The following AGMO variants were observed in gnomAD, a reference collection of about 807,000 sequenced individuals.
AGMO encodes the protein alkylglycerol monooxygenase, also known as glyceryl-ether monooxygenase.
Under a neutral mutation model 60.2 loss-of-function variants are expected in AGMO, and 75 were observed. The ratio of observed to expected loss-of-function variants is 1.25; its 90% CI spans 1.03 to 1.51. The LOEUF (loss-of-function observed/expected upper bound fraction) is 1.51. Ranked by LOEUF, AGMO falls within the 40% of genes most tolerant of loss-of-function variation. AGMO has a pLI of 0.00. For synonymous variants in AGMO, 261 were observed against 177.1 expected (o/e 1.47, Z -3.76); for missense variants, 763 against 525.5 (o/e 1.45, Z -4.42).
chr7:15,198,256 ACAGAGACAGAGAGAGAGT>A (rs377150420), downstream of AGMO, among the ~76,000 whole-genome samples: 20 of 53,664 alleles, frequency 3.7e-4, 1 homozygote, highest in African/African-American at 2.4e-3. Context: ...AGAGAGAGAG[ACAGAGACAGAGAGAGAGT>A]GTGTTAAAGT....
chr7:15,354,399 T>C (rs1306322522), intron 12 of AGMO, among the ~76,000 whole-genome samples: 4,662 of 33,144 alleles, frequency 0.14, 701 homozygotes, highest in African/African-American at 0.17. Flanking sequence ...TGTATACACG[T>C]GTGTGTACAC....
rs1449439760 is a variant in AGMO at position 15,385,460 on chromosome 7, A to C, written c.1060T>G (p.Phe354Val). The C allele has an allele frequency of 6.3e-7, 1 of 1,585,742 alleles. No individual in the cohort carries two copies. Residue 354 changes from phenylalanine (F) to valine (V), a missense_variant, in exon 10 of 13, where the codon TTT becomes GTT. Coordinates refer to ENST00000342526, the MANE Select transcript of AGMO (RefSeq NM_001004320.2). ...ATATTACTTACAGCTGTATCTGCAA[A>C]GGTCTCTTCATAAAATGCCAACATC... ...ALMLAFYEET[F>V]ADTAALSQVT...
the AGMO span, among the ~76,000 whole-genome samples, chr7:15,142,746 T>TGA: frequency 6.6e-6 from 1 of 152,054 alleles, no homozygotes. Context: ...GCTACCTTAG[T>TGA]GAAGTAAGGG....
At chr7:15,384,240 A>T (rs931311518) in intron 10 of AGMO, among the ~76,000 whole-genome samples, 1 of 152,132 alleles carries the variant, frequency 6.6e-6, no homozygotes, top group Non-Finnish European at 1.5e-5. Context: ...CCCAGCCTCA[A>T]TTTAGTCCAT....
chr7:15,140,275 A>C, the AGMO span, among the ~76,000 whole-genome samples: 1 of 152,104 alleles, frequency 6.6e-6, no homozygotes, highest in African/African-American at 2.4e-5. Flanking sequence ...TAACACCTTC[A>C]TCCATTACTG....
intron 12 of AGMO, among the ~76,000 whole-genome samples, chr7:15,331,774 A>T (rs1441079567): frequency 6.6e-6 from 1 of 152,108 alleles, no homozygotes; most frequent in Admixed American, 6.6e-5. Context: ...TAAAAATATA[A>T]AATTAGCCAG....
intron 3 of AGMO, among the ~76,000 whole-genome samples, chr7:15,531,086 A>G (rs1349600628): frequency 0.25 from 3,853 of 15,212 alleles, 1,007 homozygotes; most frequent in East Asian, 0.38. Flanking sequence ...TATATTCTAT[A>G]TATATATTCT....
At chr7:15,431,582 G>C (rs1212496195) in intron 3 of AGMO, among the ~76,000 whole-genome samples, 1 of 151,734 alleles carries the variant, frequency 6.6e-6, no homozygotes. Context: ...TTTCCTCATG[G>C]CTTTCTGAGA....
chr7:15,529,754 ATATATATATTTCTCTATATATATTTCTC>A (rs909715835), intron 3 of AGMO, among the ~76,000 whole-genome samples: 1 of 107,820 alleles, frequency 9.3e-6, no homozygotes, highest in Non-Finnish European at 1.7e-5. Flanking sequence ...ATATATTTCT[ATATATATATTTCTCTATATATATTTCTC>A]TATATATATT....
At chr7:15,307,036 T>C (rs1257817094) in intron 12 of AGMO, among the ~76,000 whole-genome samples, 3 of 152,040 alleles carry the variant, frequency 2.0e-5, no homozygotes, top group Non-Finnish European at 4.4e-5. Context: ...ACGAAATAAT[T>C]ATAAAGTGAT....
intron 12 of AGMO, among the ~76,000 whole-genome samples, chr7:15,302,467 T>G (rs1563076630): frequency 1.3e-5 from 2 of 152,324 alleles, no homozygotes; most frequent in South Asian, 2.1e-4. Flanking sequence ...TATTTCAAAA[T>G]TTATTATTTT....
At chr7:15,501,908 CTA>C (rs1783395820) in intron 3 of AGMO, among the ~76,000 whole-genome samples, 1 of 151,852 alleles carries the variant, frequency 6.6e-6, no homozygotes, top group African/African-American at 2.4e-5. Flanking sequence ...GTAGTTAATT[CTA>C]TATTTAGTTA....
intron 12 of AGMO, among the ~76,000 whole-genome samples, chr7:15,264,769 AG>A (rs1211786042): frequency 1.3e-5 from 2 of 152,138 alleles, no homozygotes; most frequent in Non-Finnish European, 2.9e-5. Context: ...GTAATTAAAA[AG>A]TCAAAATATA....
At chr7:15,537,853 G>A (rs1016148854) in intron 3 of AGMO, among the ~76,000 whole-genome samples, 1 of 151,916 alleles carries the variant, frequency 6.6e-6, no homozygotes, top group Non-Finnish European at 1.5e-5. Context: ...CTATTTCTCC[G>A]AGAAAGGCCC....
At chr7:15,416,027 CT>C (rs759040945) in intron 5 of AGMO, among the ~76,000 whole-genome samples, 143 of 130,896 alleles carry the variant, frequency 1.1e-3, no homozygotes, top group African/African-American at 1.8e-3. Context: ...TTCTTTTTTT[CT>C]TTTTTTTTTT....
chr7:15,365,266 A>G (rs1421974307), intron 12 of AGMO, among the ~76,000 whole-genome samples: 1 of 151,424 alleles, frequency 6.6e-6, no homozygotes, highest in Non-Finnish European at 1.5e-5. Context: ...GTGTAATGTA[A>G]TGTGTCCAAC....
chr7:15,384,671 G>C (rs950268470), intron 10 of AGMO, among the ~76,000 whole-genome samples: 5 of 151,956 alleles, frequency 3.3e-5, no homozygotes, highest in Non-Finnish European at 7.4e-5. Flanking sequence ...TATAAAAACA[G>C]CATTTTTTTA....
At chr7:15,456,846 A>G (rs1056084153) in intron 3 of AGMO, among the ~76,000 whole-genome samples, 1 of 152,118 alleles carries the variant, frequency 6.6e-6, no homozygotes, top group African/African-American at 2.4e-5. Flanking sequence ...CTTGTCTGTC[A>G]ACTTCCAGCT....
chr7:15,140,134 A>T, the AGMO span, among the ~76,000 whole-genome samples: 1 of 151,814 alleles, frequency 6.6e-6, no homozygotes, highest in Non-Finnish European at 1.5e-5. Context: ...TAAAATGTAG[A>T]AAAAGTTTCA....
Sources: gnomAD v4.1 joint callset for allele counts (sites outside exome capture counted in the v4.1 genomes callset) on GRCh38, gnomAD v4.1.1 for gene constraint, MANE v1.5 for transcripts, NCBI Gene and HGNC (gene_info 2026-07-23, HGNC 2026-07-21) for gene names.